Variants in ACBD4 observed in about 807,000 individuals in gnomAD.
ACBD4 encodes the protein acyl-CoA-binding domain-containing protein 4.
Under a neutral mutation model 46.0 loss-of-function variants are expected in ACBD4, and 41 were observed. That is an observed-to-expected ratio of 0.89 (90% CI 0.69 to 1.16). ACBD4 has a LOEUF of 1.16. ACBD4 is among the 50% of genes most tolerant of loss of function. ACBD4 has a pLI of 0.00. For synonymous variants in ACBD4, 162 were observed against 155.9 expected (o/e 1.04, Z -0.29); for missense variants, 393 against 399.5 (o/e 0.98, Z 0.14).
Position 45,143,462 on chromosome 17 carries a change from G to T in ACBD4, c.809G>T (p.Ser270Ile), listed in dbSNP as rs1252714522. ...CTGCAGAGGCCGCAGCCCAGGCCCA[G>T]TGCTCGGCCATGGCCCCTTGGGCTC... Reference protein sequence around the residue: ...PPEQRPQPRPSARPWPLGLPG... With the variant: ...PPEQRPQPRPIARPWPLGLPG... Residue 270 changes from serine (S) to isoleucine (I), a missense_variant, in exon 10 of 10, where the codon AGT (serine) becomes ATT (isoleucine). Coordinates refer to ENST00000321854, the MANE Select transcript of ACBD4 (RefSeq NM_001135705.3). 1.9e-6 allele frequency: 3 copies of T among 1,611,618 alleles called. No individual in the cohort carries two copies. The highest frequency in any genetic ancestry group is 4.5e-5 in the East Asian group (2 of 44,878).
intron 4 of ACBD4, 99 bp downstream of exon 4, chr17:45,136,875 T>C: frequency 6.3e-7 from 1 of 1,581,092 alleles, no homozygotes; most frequent in South Asian, 1.1e-5. Context: ...GACCCCCTCA[T>C]GGGAATCACC....
rs745346160 is a variant in ACBD4, at chr17:45,139,065, T to G, written c.694T>G (p.Trp232Gly). ...SPPGPQELDV[W>G]LLGTVRALQE... ...GCCGGGGCCCCAGGAGTTGGACGTGTGGCTGCTGGGGACAGTTCGAGCACT... is the reference window on the plus strand; with the variant it reads ...GCCGGGGCCCCAGGAGTTGGACGTGGGGCTGCTGGGGACAGTTCGAGCACT... The change falls in exon 9 of 10, where the codon TGG becomes GGG. Residue 232 changes from tryptophan to glycine, a missense_variant. This residue lies in a region of ACBD4 where 308 missense variants were observed against 301.8 expected (regional missense o/e 1.02). Transcript: ENST00000321854. 1.4e-5 allele frequency: 23 copies of G among 1,613,776 alleles called. No homozygotes were observed. Among genetic ancestry groups the G allele is most frequent in the Non-Finnish European group, 1.9e-5 (22 of 1,180,014 alleles).
At chr17:45,131,964 C>G (rs1806440622), upstream of ACBD4, among the ~76,000 whole-genome samples, 1 of 152,206 alleles carries the variant, frequency 6.6e-6, no homozygotes, top group Admixed American at 6.5e-5. Context: ...CTCCATTCTC[C>G]TTGGAGACCC....
chr17:45,141,271 A>G (rs780633629), intron 9 of ACBD4, among the ~76,000 whole-genome samples: 1 of 152,132 alleles, frequency 6.6e-6, no homozygotes, highest in East Asian at 1.9e-4. Flanking sequence ...CTTGCTGACC[A>G]GTCTGGGCTG....
chr17:45,143,559 C>A lies in ACBD4; in HGVS notation c.906C>A (p.Thr302=). ...VVQWLFRMFR[T]QKR is the part of the protein sequence containing the mutation. The stretch of plus-strand genomic sequence containing the variant: ...AGTGGCTCTTCCGAATGTTTCGGAC[C>A]CAAAAGAGGTGACTGTCAGTGGAGG... The change falls in exon 10 of 10, where the codon ACC becomes ACA. Residue 302 remains threonine (T), a synonymous_variant. Transcript: ENST00000321854. The A allele has an allele frequency of 1.2e-6, 2 of 1,614,084 alleles. No homozygotes were observed. Among genetic ancestry groups the A allele is most frequent in the South Asian group, 1.1e-5 (1 of 91,086 alleles).
upstream of ACBD4, among the ~76,000 whole-genome samples, chr17:45,134,909 C>T (rs188029436): frequency 6.6e-6 from 1 of 152,054 alleles, no homozygotes; most frequent in African/African-American, 2.4e-5. Context: ...CCATTTCCCC[C>T]CCTCCCCAGT....
chr17:45,139,585 A>C (rs1188212522), intron 9 of ACBD4, among the ~76,000 whole-genome samples: 3 of 152,004 alleles, frequency 2.0e-5, no homozygotes, highest in Non-Finnish European at 4.4e-5. Context: ...TGCCTCTGAC[A>C]CTTGGGATCC....
chr17:45,138,206 T>A, intron 8 of ACBD4: 1 of 601,366 alleles, frequency 1.7e-6, no homozygotes, highest in South Asian at 2.0e-5. Flanking sequence ...CACCCAGGAG[T>A]CTGCACCCTC....
upstream of ACBD4, chr17:45,132,614 G>A: frequency 3.7e-6 from 1 of 267,080 alleles, no homozygotes; most frequent in Non-Finnish European, 6.9e-6. This position sits in a 1 kb window ranked among gnomAD's most constrained non-coding sequence, Gnocchi z 4.6. Flanking sequence ...TGCGAGGGCG[G>A]GGCCAGGCGG....
upstream of ACBD4, among the ~76,000 whole-genome samples, chr17:45,133,995 T>C (rs545070122): frequency 4.7e-4 from 71 of 152,362 alleles, no homozygotes; most frequent in African/African-American, 1.5e-3. Context: ...ACTTAATAGT[T>C]GCAGAGAATT....
chr17:45,142,916 C>T (rs1295151282), intron 9 of ACBD4: 1 of 153,474 alleles, frequency 6.5e-6, no homozygotes, highest in African/African-American at 2.4e-5. Flanking sequence ...AAGACCCTTT[C>T]ATACCGGATC....
chr17:45,136,957 G>A, intron 4 of ACBD4, 62 bp from the exon 5 acceptor site: 3 of 1,609,074 alleles, frequency 1.9e-6, no homozygotes, highest in Non-Finnish European at 2.5e-6. Flanking sequence ...GTGTGACAGG[G>A]CAGGAGCAGG....
Position 45,143,513 on chromosome 17 carries a change from T to A in ACBD4, c.860T>A (p.Leu287His). The A allele has an allele frequency of 6.2e-7, 1 of 1,613,912 alleles. No homozygotes were observed. The highest frequency in any genetic ancestry group is 1.3e-5 in the African/African-American group (1 of 75,036). The change falls in exon 10 of 10, where the codon CTC becomes CAC. Residue 287 changes from leucine (L) to histidine (H), a missense_variant. By Grantham distance (99) the Leu-to-His change is moderately conservative. This residue lies in a region of ACBD4 where 308 missense variants were observed against 301.8 expected (regional missense o/e 1.02). Coordinates refer to ENST00000321854, the MANE Select transcript of ACBD4 (RefSeq NM_001135705.3). ...CCGGGGCCCGCGCTGCTCTTCTTCC[T>A]CCTGTGGCCCTTCGTCGTCCAGTGG... ...GLPGPALLFF[L>H]LWPFVVQWLF...
intron 9 of ACBD4, among the ~76,000 whole-genome samples, chr17:45,139,412 G>A (rs926960694): frequency 2.6e-5 from 4 of 152,180 alleles, no homozygotes; most frequent in African/African-American, 9.7e-5. Context: ...GAGAAGCTAA[G>A]CCTCAGGACT....
Position 45,136,525 on chromosome 17 carries a change from G to C in ACBD4, c.114G>C (p.Glu38Asp). ...KNGSYRPSYEEMLRFYSYYKQ... is the reference protein window; with the variant it reads ...KNGSYRPSYEDMLRFYSYYKQ... Reference sequence around the variant, plus strand: ...GTTCTTACCGCCCCTCCTATGAAGAGATGCTGCGATTCTACAGTTACTACA... The same window carrying C: ...GTTCTTACCGCCCCTCCTATGAAGACATGCTGCGATTCTACAGTTACTACA... Residue 38 changes from glutamate (E) to aspartate (D), a missense_variant, in exon 3 of 10, where the codon GAG becomes GAC. Physicochemically the swap from Glu to Asp is conservative, Grantham distance 45. Transcript: ENST00000321854. 1 of 1,613,736 alleles carries C rather than the reference G, an allele frequency of 6.2e-7. No homozygotes were observed. Among genetic ancestry groups the C allele is most frequent in the Non-Finnish European group, 8.5e-7 (1 of 1,179,908 alleles).
chr17:45,133,778 G>A (rs1171221068), upstream of ACBD4, among the ~76,000 whole-genome samples: 2 of 151,742 alleles, frequency 1.3e-5, no homozygotes, highest in South Asian at 2.1e-4. Context: ...TGATCCGCCC[G>A]CCTCGGCCTC....
At chr17:45,134,607 T>A (rs2054673069), upstream of ACBD4, among the ~76,000 whole-genome samples, 1 of 151,950 alleles carries the variant, frequency 6.6e-6, no homozygotes, top group Admixed American at 6.6e-5. Flanking sequence ...AAACCCCGTC[T>A]CTACTAAAAA....
In ACBD4 at chr17:45,136,099, T is replaced by C. The variant is rs2054807105; in HGVS notation, c.-37-9T>C. On this transcript the variant is annotated splice_polypyrimidine_tract_variant and intron_variant, in intron 1 of 9. Transcript: ENST00000321854. ...GGAGGCCCCCTCACACGAAGGCTGCTTCTTGCAGAGTCGCTCAAAAGTAGG... is the reference window on the plus strand; with the variant it reads ...GGAGGCCCCCTCACACGAAGGCTGCCTCTTGCAGAGTCGCTCAAAAGTAGG... 1.1e-5 allele frequency: 17 copies of C among 1,603,302 alleles called. No individual in the cohort carries two copies. Among genetic ancestry groups the C allele is most frequent in the Non-Finnish European group, 1.4e-5 (16 of 1,174,934 alleles).
At chr17:45,138,383 A>G (rs912304265) in intron 8 of ACBD4, 2 of 289,674 alleles carry the variant, frequency 6.9e-6, no homozygotes, top group Non-Finnish European at 1.3e-5. Flanking sequence ...GTTGTGTGTC[A>G]GGTCCTGTAT....
Sources: allele counts gnomAD v4.1 joint callset (sites outside exome capture counted in the v4.1 genomes callset), GRCh38; gene constraint gnomAD v4.1.1; regional missense constraint gnomAD v4.1.1; non-coding constraint Gnocchi (gnomAD v3.1); transcripts MANE v1.5; gene names NCBI Gene and HGNC (gene_info 2026-07-23, HGNC 2026-07-21).